Variants in LUZP2 observed in about 807,000 individuals in gnomAD.
The protein encoded by LUZP2 is leucine zipper protein 2.
Under a neutral mutation model 51.6 loss-of-function variants are expected in LUZP2, and 52 were observed. The ratio of observed to expected loss-of-function variants is 1.01; its 90% confidence interval spans 0.81 to 1.27. The LOEUF (loss-of-function observed/expected upper bound fraction) is 1.27. Ranked by LOEUF, LUZP2 falls within the 50% of genes most tolerant of loss-of-function variation. The pLI, the probability that LUZP2 is intolerant of heterozygous loss-of-function variation, is 0.00. For synonymous variants in LUZP2, 154 were observed against 137.3 expected, an observed-to-expected ratio of 1.12 and a Z score of -0.85; for missense variants, 436 against 395.4, an observed-to-expected ratio of 1.10 and a Z score of -0.87.
intron 1 of LUZP2, among the ~76,000 whole-genome samples, chr11:24,544,733 G>T (rs1410573774): frequency 6.6e-6 from 1 of 152,032 alleles, no homozygotes; most frequent in African/African-American, 2.4e-5. Flanking sequence ...GAAGAGTGCT[G>T]CAATAAGCAC....
chr11:24,766,837 C>G (rs139541448), intron 5 of LUZP2, among the ~76,000 whole-genome samples: 1 of 152,186 alleles, frequency 6.6e-6, no homozygotes, highest in African/African-American at 2.4e-5. Flanking sequence ...TCTCAGCTCA[C>G]TGCAACCTCC....
chr11:24,973,937 T>C (rs1373762430), intron 7 of LUZP2, among the ~76,000 whole-genome samples: 1 of 152,146 alleles, frequency 6.6e-6, no homozygotes, highest in Admixed American at 6.6e-5. Context: ...GTTCTGTAGA[T>C]ATCTATCAGC....
At chr11:24,739,961 A>T (rs781374800) in intron 4 of LUZP2, among the ~76,000 whole-genome samples, 6 of 152,110 alleles carry the variant, frequency 3.9e-5, no homozygotes, top group Non-Finnish European at 8.8e-5. Context: ...AAGAATAGAC[A>T]TATTTTTAGT....
chr11:24,646,066 T>A (rs1293132479), intron 1 of LUZP2, among the ~76,000 whole-genome samples: 14 of 152,054 alleles, frequency 9.2e-5, no homozygotes, highest in Non-Finnish European at 7.4e-5. Context: ...GTTCTGAATT[T>A]CAGATTCTTT....
intron 5 of LUZP2, among the ~76,000 whole-genome samples, chr11:24,857,980 C>T (rs113618056): frequency 2.7e-4 from 41 of 152,096 alleles, no homozygotes; most frequent in Non-Finnish European, 4.1e-4. Context: ...ATTATATGCA[C>T]ATTCTTTTGT....
chr11:24,969,875 T>C (rs919648899), intron 7 of LUZP2, among the ~76,000 whole-genome samples: 1 of 152,144 alleles, frequency 6.6e-6, no homozygotes, highest in African/African-American at 2.4e-5. Context: ...GACTTGTTCA[T>C]CTGGTTTTCT....
chr11:25,014,054 C>G (rs1247478297), intron 9 of LUZP2, among the ~76,000 whole-genome samples: 1 of 152,096 alleles, frequency 6.6e-6, no homozygotes. Context: ...CCAGCTTCAT[C>G]CATGTCCCTA....
At chr11:25,020,133 G>A (rs983193627) in intron 9 of LUZP2, among the ~76,000 whole-genome samples, 37 of 152,070 alleles carry the variant, frequency 2.4e-4, no homozygotes, top group African/African-American at 8.2e-4. Flanking sequence ...ATAAAAATGA[G>A]AATAACTTCA....
At chr11:24,635,457 GAAAT>G (rs1855063029) in intron 1 of LUZP2, among the ~76,000 whole-genome samples, 1 of 151,184 alleles carries the variant, frequency 6.6e-6, no homozygotes, top group South Asian at 2.1e-4. Context: ...CAAGTCATAA[GAAAT>G]AAACACATTT....
chr11:24,539,235 A>G (rs1054269740), intron 1 of LUZP2, among the ~76,000 whole-genome samples: 3 of 152,066 alleles, frequency 2.0e-5, no homozygotes, highest in African/African-American at 7.2e-5. Context: ...TTGATTATTC[A>G]TATCTACCTG....
At chr11:24,832,682 G>A (rs986972332) in intron 5 of LUZP2, among the ~76,000 whole-genome samples, 1 of 151,538 alleles carries the variant, frequency 6.6e-6, no homozygotes, top group East Asian at 1.9e-4. Flanking sequence ...AATGTAGTTA[G>A]AAATAAAAAA....
intron 1 of LUZP2, among the ~76,000 whole-genome samples, chr11:24,509,349 T>C (rs1464451660): frequency 6.6e-6 from 1 of 152,012 alleles, no homozygotes; most frequent in African/African-American, 2.4e-5. Context: ...GTCATAACTG[T>C]TCTAGAATTA....
chr11:24,667,811 C>T (rs1856266619), intron 1 of LUZP2, among the ~76,000 whole-genome samples: 1 of 152,180 alleles, frequency 6.6e-6, no homozygotes. Context: ...TTTGCATTGC[C>T]TTTGCAGAAT....
chr11:24,962,480 C>G (rs572521126), intron 7 of LUZP2, among the ~76,000 whole-genome samples: 7 of 152,106 alleles, frequency 4.6e-5, no homozygotes, highest in African/African-American at 1.7e-4. Context: ...ATTCTTTTTT[C>G]TCTAAACTTC....
At chr11:24,986,007 C>A (rs1267423491) in intron 9 of LUZP2, among the ~76,000 whole-genome samples, 1 of 151,654 alleles carries the variant, frequency 6.6e-6, no homozygotes, top group Admixed American at 6.6e-5. Flanking sequence ...ATGTTTATGA[C>A]AAAAGTGCAT....
intron 1 of LUZP2, among the ~76,000 whole-genome samples, chr11:24,589,302 G>C (rs560158872): frequency 6.6e-6 from 1 of 152,158 alleles, no homozygotes; most frequent in African/African-American, 2.4e-5. Flanking sequence ...GGTTTCCCTA[G>C]TTACCTTGTT....
intron 1 of LUZP2, among the ~76,000 whole-genome samples, chr11:24,635,788 A>G (rs1480552141): frequency 1.3e-5 from 2 of 152,140 alleles, no homozygotes; most frequent in Non-Finnish European, 2.9e-5. Context: ...GCCCACAGAC[A>G]GCGTTGACTA....
intron 1 of LUZP2, among the ~76,000 whole-genome samples, chr11:24,649,944 CACACAG>C (rs1413535121): frequency 2.0e-5 from 3 of 146,630 alleles, no homozygotes; most frequent in South Asian, 4.3e-4. Context: ...GCTTTATACA[CACACAG>C]ACACAGACAC....
At chr11:24,882,901 AAG>A (rs1394890245) in intron 5 of LUZP2, among the ~76,000 whole-genome samples, 4 of 151,170 alleles carry the variant, frequency 2.6e-5, no homozygotes, top group Non-Finnish European at 4.4e-5. Context: ...AAGAAAAAGA[AAG>A]AGAAAGAAAG....
Sources: allele counts gnomAD v4.1 joint callset (sites outside exome capture counted in the v4.1 genomes callset), GRCh38; gene constraint gnomAD v4.1.1; transcripts MANE v1.5; gene names NCBI Gene and HGNC (gene_info 2026-07-23, HGNC 2026-07-21).